Variants in ELAVL4 observed in about 807,000 individuals in gnomAD.
ELAVL4 encodes ELAV-like protein 4.
Under a neutral mutation model 35.6 loss-of-function variants are expected in ELAVL4, and 1 was observed. The observed-to-expected ratio is 0.03, with a 90% CI of 0.01 to 0.13. The LOEUF (loss-of-function observed/expected upper bound fraction) is 0.13, where lower values mean the gene tolerates loss of function less well. Among genes scored for constraint, ELAVL4 ranks in the 10% least tolerant of loss-of-function variants. The pLI is 1.00. For missense variants in ELAVL4, 267 were observed against 464.9 expected, an observed-to-expected ratio of 0.57 and a Z score of 3.91; for synonymous variants, 156 against 171.0, an observed-to-expected ratio of 0.91 and a Z score of 0.69.
At chr1:50,165,437 T>TATAGATATAGATATAG in intron 2 of ELAVL4, among the ~76,000 whole-genome samples, 1 of 150,452 alleles carries the variant, frequency 6.6e-6, no homozygotes, top group African/African-American at 2.4e-5. Context: ...GATATATATA[T>TATAGATATAGATATAG]ATATAGATAT....
chr1:50,079,547 G>A (rs570195469), intron 1 of ELAVL4, among the ~76,000 whole-genome samples: 2 of 152,304 alleles, frequency 1.3e-5, no homozygotes, highest in African/African-American at 2.4e-5. Context: ...AAGGGGGCAT[G>A]ACCTTGGGAA....
intron 2 of ELAVL4, among the ~76,000 whole-genome samples, chr1:50,147,030 T>C (rs1380504919): frequency 6.6e-6 from 1 of 152,058 alleles, no homozygotes; most frequent in East Asian, 1.9e-4. Flanking sequence ...GCCTTTAATT[T>C]GGTATACAAA....
At position 50,203,536 on chromosome 1, in the gene ELAVL4, G is replaced by A. The variant is rs1486708715; in HGVS notation, c.*2358G>A. On this transcript the variant is annotated 3_prime_UTR_variant, in exon 7 of 7. Coordinates refer to ENST00000371824, the MANE Select transcript of ELAVL4 (RefSeq NM_001144774.3). The stretch of plus-strand genomic sequence containing the variant: ...CATTTGCTAAGCATTAGTGGGAAAG[G>A]CATGCCAAAATCTTCTCTATAATGT... 1 of 151,860 alleles carries A rather than the reference G, an allele frequency of 6.6e-6. No individual in the cohort carries two copies. Among genetic ancestry groups the A allele is most frequent in the East Asian group, 1.9e-4 (1 of 5,190 alleles). 9.4% of individuals were successfully genotyped at this position (151,860 alleles called of 1,614,324 possible).
intron 1 of ELAVL4, among the ~76,000 whole-genome samples, chr1:50,048,452 G>C (rs1366939546): frequency 6.6e-6 from 1 of 152,104 alleles, no homozygotes; most frequent in African/African-American, 2.4e-5. Context: ...GAGACTTCCC[G>C]GCCCCAGGGG....
intron 1 of ELAVL4, among the ~76,000 whole-genome samples, chr1:50,062,445 A>T (rs544090583): frequency 6.6e-6 from 1 of 152,162 alleles, no homozygotes; most frequent in South Asian, 2.1e-4. Flanking sequence ...GTTGGGCATG[A>T]CTATTCTGTA....
chr1:50,203,013 A>G lies in ELAVL4; in HGVS notation c.*1835A>G, dbSNP rs1188366931. On this transcript the variant is annotated 3_prime_UTR_variant, in exon 7 of 7. Transcript: ENST00000371824. ...TCATTTTAGTATGTTTGTGCTTTGT[A>G]CGGTTATATATTTAAAACGAAAACA... The G allele has an allele frequency of 6.6e-6, 1 of 152,216 alleles. No homozygotes were observed. The highest frequency in any genetic ancestry group is 1.5e-5 in the Non-Finnish European group (1 of 68,016). The allele number at this position is 152,216 out of a possible 1,614,324, so 9.4% of individuals were successfully genotyped here.
At chr1:50,048,601 A>T (rs1376917577) in intron 1 of ELAVL4, among the ~76,000 whole-genome samples, 1 of 151,970 alleles carries the variant, frequency 6.6e-6, no homozygotes, top group East Asian at 1.9e-4. Context: ...GGCGCCAAAA[A>T]GTCCAGGCAG....
chr1:50,196,695 A>C (rs1644082615), intron 5 of ELAVL4, among the ~76,000 whole-genome samples: 1 of 152,198 alleles, frequency 6.6e-6, no homozygotes, highest in South Asian at 2.1e-4. Flanking sequence ...TAATGATTTC[A>C]TGAAGAGTCC....
intron 3 of ELAVL4, among the ~76,000 whole-genome samples, 189 bp downstream of exon 3, chr1:50,177,381 G>A (rs537744200): frequency 6.6e-6 from 1 of 152,298 alleles, no homozygotes; most frequent in African/African-American, 2.4e-5. Context: ...GTTGAGTAGA[G>A]GGAAGGGACC....
chr1:50,191,177 A>G (rs1350793396), intron 3 of ELAVL4, among the ~76,000 whole-genome samples: 2 of 152,202 alleles, frequency 1.3e-5, no homozygotes, highest in African/African-American at 2.4e-5. Flanking sequence ...GTTCCTTTAC[A>G]GCAAGAGACT....
chr1:50,056,099 C>T (rs1456692591), intron 1 of ELAVL4, among the ~76,000 whole-genome samples: 5 of 152,070 alleles, frequency 3.3e-5, no homozygotes, highest in Non-Finnish European at 5.9e-5. Context: ...CCCTACATTT[C>T]TGATAGTAAA....
chr1:50,135,070 T>G (rs1449075529), intron 1 of ELAVL4, among the ~76,000 whole-genome samples: 1 of 152,160 alleles, frequency 6.6e-6, no homozygotes, highest in South Asian at 2.1e-4. Flanking sequence ...CCCTGCTATT[T>G]TAAGTATTAA....
intron 2 of ELAVL4, among the ~76,000 whole-genome samples, chr1:50,167,806 C>T (rs1239957375): frequency 6.6e-6 from 1 of 152,192 alleles, no homozygotes; most frequent in Non-Finnish European, 1.5e-5. Context: ...GGTGAGCACT[C>T]ACATGGGATA....
At position 50,092,539 on chromosome 1, in the gene ELAVL4, C is replaced by T. The variant is rs187130465; in HGVS notation, c.18+44357C>T. Among the ~76,000 whole-genome samples the T allele has an allele frequency of 2.3e-3, 346 of 152,320 alleles. 1 individual carries two copies. Among genetic ancestry groups the T allele is most frequent in the African/African-American group, 7.2e-3 (298 of 41,576 alleles). ...TGGACTCATGCGACATCTCAATTCT[C>T]TGACTTTAGGCAGTGGTTTGGGTCT... is the stretch of plus-strand genomic sequence containing the variant. On this transcript the variant is annotated intron_variant, in intron 1 of 6. Coordinates refer to the ELAVL4 transcript ENST00000448907.
upstream of ELAVL4, among the ~76,000 whole-genome samples, chr1:50,108,102 T>C (rs1666502916): frequency 6.6e-6 from 1 of 152,208 alleles, no homozygotes; most frequent in Non-Finnish European, 1.5e-5. Flanking sequence ...TTTTTAAAAA[T>C]TCAGATCATG....
intron 3 of ELAVL4, among the ~76,000 whole-genome samples, chr1:50,184,434 G>C (rs1453827876): frequency 6.6e-6 from 1 of 151,242 alleles, no homozygotes; most frequent in Non-Finnish European, 1.5e-5. Context: ...CTTTAGTTGT[G>C]TTGGGAGAAT....
intron 2 of ELAVL4, among the ~76,000 whole-genome samples, chr1:50,160,786 C>T (rs1312498112): frequency 6.6e-6 from 1 of 152,192 alleles, no homozygotes; most frequent in Non-Finnish European, 1.5e-5. Flanking sequence ...GATTTATATT[C>T]TGTTAATGTT....
At chr1:50,171,071 A>T (rs1255881414) in intron 2 of ELAVL4, among the ~76,000 whole-genome samples, 1 of 152,148 alleles carries the variant, frequency 6.6e-6, no homozygotes, top group African/African-American at 2.4e-5. Flanking sequence ...AGTTTGAGGA[A>T]ATTGTGTGAA....
intron 1 of ELAVL4, among the ~76,000 whole-genome samples, chr1:50,142,094 G>A (rs1009102457): frequency 2.4e-4 from 37 of 152,198 alleles, no homozygotes; most frequent in African/African-American, 7.7e-4. Flanking sequence ...ATAACCCTGC[G>A]TGGCAAGCTT....
Sources: gnomAD v4.1 joint callset for allele counts (sites outside exome capture counted in the v4.1 genomes callset) on GRCh38, gnomAD v4.1.1 for gene constraint, MANE v1.5 for transcripts, NCBI Gene and HGNC (gene_info 2026-07-23, HGNC 2026-07-21) for gene names.